Variants in TYW1 observed in about 807,000 individuals in gnomAD.
TYW1 encodes the protein S-adenosyl-L-methionine-dependent tRNA 4-demethylwyosine synthase TYW1.
Under a neutral mutation model 96.2 loss-of-function variants are expected in TYW1, and 46 were observed. That is an observed-to-expected ratio of 0.48 (90% CI 0.38 to 0.61). The LOEUF (loss-of-function observed/expected upper bound fraction) is 0.61, where lower values mean the gene tolerates loss of function less well. TYW1 is among the 20% of genes least tolerant of loss of function. TYW1 has a pLI of 0.00. For synonymous variants in TYW1, 274 were observed against 323.0 expected, an observed-to-expected ratio of 0.85 and a Z score of 1.63; for missense variants, 684 against 909.6, an observed-to-expected ratio of 0.75 and a Z score of 3.19.
rs147108390 is a variant in TYW1, at chr7:67,044,524, T to C, written c.985-5425T>C. On this transcript the variant is annotated intron_variant, in intron 7 of 15. Transcript: ENST00000359626. Reference sequence around the variant, plus strand: ...CATTTCTTCATTTATTCAACCAACATTTACTGAAGGCCCATCCTGTGCTGG... The same window carrying C: ...CATTTCTTCATTTATTCAACCAACACTTACTGAAGGCCCATCCTGTGCTGG... Among the ~76,000 whole-genome samples, 257 of 152,320 alleles carry C rather than the reference T, an allele frequency of 1.7e-3. 1 individual carries two copies. The highest frequency in any genetic ancestry group is 3.7e-3 in the Admixed American group (57 of 15,294).
intron 13 of TYW1, among the ~76,000 whole-genome samples, chr7:67,175,750 T>G (rs957548943): frequency 2.0e-5 from 3 of 152,226 alleles, no homozygotes; most frequent in Admixed American, 1.3e-4. Flanking sequence ...GATTAAAATC[T>G]TGTAGCCAAT....
intron 12 of TYW1, among the ~76,000 whole-genome samples, chr7:67,105,228 T>C (rs1797199740): frequency 6.6e-6 from 1 of 152,236 alleles, no homozygotes; most frequent in African/African-American, 2.4e-5. Flanking sequence ...GGCACTTGGG[T>C]ACTGGGACAG....
At chr7:66,998,230 T>C in intron 2 of TYW1, 35 bp downstream of exon 2, 1 of 1,583,104 alleles carries the variant, frequency 6.3e-7, no homozygotes, top group Non-Finnish European at 8.5e-7. Flanking sequence ...ATGGAGTATT[T>C]AGGCATCAGA....
chr7:67,081,762 T>A (rs1796400949), intron 10 of TYW1, among the ~76,000 whole-genome samples: 1 of 151,132 alleles, frequency 6.6e-6, no homozygotes, highest in East Asian at 1.9e-4. Context: ...CCTCTTCCTC[T>A]TCCTTCTTCT....
At chr7:67,137,778 A>C (rs894429957) in intron 13 of TYW1, among the ~76,000 whole-genome samples, 1 of 152,176 alleles carries the variant, frequency 6.6e-6, no homozygotes, top group Non-Finnish European at 1.5e-5. Context: ...GGAGGAATCT[A>C]TGAAGACGCC....
At chr7:67,039,779 C>T (rs1207148100) in intron 7 of TYW1, among the ~76,000 whole-genome samples, 1 of 151,278 alleles carries the variant, frequency 6.6e-6, no homozygotes, top group Non-Finnish European at 1.5e-5. Context: ...TGTTCTGCCT[C>T]AGCCTCCTGA....
At chr7:67,055,711 C>T in intron 8 of TYW1, 124 bp from the exon 9 acceptor site, 1 of 570,986 alleles carries the variant, frequency 1.8e-6, no homozygotes, top group Non-Finnish European at 3.1e-6. Flanking sequence ...TGTTTCCTGC[C>T]ATGGGTTGGT....
At chr7:67,220,759 C>T (rs111334993) in intron 15 of TYW1, among the ~76,000 whole-genome samples, 12 of 144,098 alleles carry the variant, frequency 8.3e-5, no homozygotes, top group South Asian at 2.2e-4. Flanking sequence ...TTTTTTGAGA[C>T]GGAGTTTTGC....
At chr7:67,225,115 C>T (rs1423454342) in intron 15 of TYW1, among the ~76,000 whole-genome samples, 1 of 148,070 alleles carries the variant, frequency 6.8e-6, no homozygotes, top group Non-Finnish European at 1.5e-5. Flanking sequence ...CACTTGAACC[C>T]AGGAGGCAGA....
intron 3 of TYW1, among the ~76,000 whole-genome samples, chr7:67,005,869 C>T (rs1454908071): frequency 6.6e-6 from 1 of 152,096 alleles, no homozygotes; most frequent in South Asian, 2.1e-4. Flanking sequence ...ACTCTCTTAC[C>T]CCATCTCCTT....
intron 7 of TYW1, among the ~76,000 whole-genome samples, chr7:67,036,257 T>C (rs60884806): frequency 0.12 from 16,550 of 143,364 alleles, 1,484 homozygotes; most frequent in East Asian, 0.3. Context: ...CAGAGAAGAG[T>C]GGCTGCTGGG....
chr7:67,029,981 G>A (rs1407464608), intron 7 of TYW1, among the ~76,000 whole-genome samples: 2 of 152,094 alleles, frequency 1.3e-5, no homozygotes, highest in Non-Finnish European at 1.5e-5. Flanking sequence ...AGATACTCTC[G>A]GTCAAGGAAG....
chr7:67,182,095 C>T (rs1799860586), intron 13 of TYW1, among the ~76,000 whole-genome samples: 3 of 152,202 alleles, frequency 2.0e-5, no homozygotes, highest in Admixed American at 6.5e-5. Flanking sequence ...TCCCAAAGTG[C>T]TGGGATTACA....
At chr7:67,005,263 T>C (rs2129238025) in intron 3 of TYW1, among the ~76,000 whole-genome samples, 1 of 152,280 alleles carries the variant, frequency 6.6e-6, no homozygotes, top group African/African-American at 2.4e-5. Context: ...TCTTACGTAA[T>C]ATCTCACTGG....
rs1412245427 is a variant in TYW1, at chr7:67,089,969, T to C, written c.1384+6430T>C. Reference sequence around the variant, plus strand: ...TTTCTTTAGCTCAATTTTCCACCCGTTCAGCAAACATCAAGTGATTGCACC... The same window carrying C: ...TTTCTTTAGCTCAATTTTCCACCCGCTCAGCAAACATCAAGTGATTGCACC... On this transcript the variant is annotated intron_variant, in intron 11 of 15. Coordinates refer to ENST00000359626, the MANE Select transcript of TYW1 (RefSeq NM_018264.4). Among the ~76,000 whole-genome samples the C allele has an allele frequency of 3.3e-5, 5 of 152,334 alleles. No individual in the cohort carries two copies. The East Asian group carries it at 7.7e-4, about 23-fold the overall frequency.
chr7:67,238,581 G>C lies in TYW1; in HGVS notation c.*52G>C, dbSNP rs562672700. ...GACAAAAACTTGGATGGCCTCAAAA[G>C]GTTCTTGAACACCACTGTGATTCTC... On this transcript the variant is annotated 3_prime_UTR_variant, in exon 16 of 16. Coordinates refer to ENST00000359626, the MANE Select transcript of TYW1 (RefSeq NM_018264.4). 8 of 1,597,672 alleles carry C rather than the reference G, an allele frequency of 5.0e-6. No individual in the cohort carries two copies. Among genetic ancestry groups the C allele is most frequent in the Middle Eastern group, 3.3e-4 (2 of 5,980 alleles).
chr7:67,231,510 C>G (rs1405743650), intron 15 of TYW1, among the ~76,000 whole-genome samples: 1 of 152,176 alleles, frequency 6.6e-6, no homozygotes, highest in Non-Finnish European at 1.5e-5. Flanking sequence ...TTTTTGAGAC[C>G]TTTAATGTCC....
chr7:67,000,907 G>A (rs1265495836), intron 3 of TYW1, among the ~76,000 whole-genome samples: 2 of 152,026 alleles, frequency 1.3e-5, no homozygotes, highest in African/African-American at 4.8e-5. Flanking sequence ...TTCACTACTT[G>A]AGTGCAGATA....
chr7:67,229,152 T>A (rs1801662015), intron 15 of TYW1, among the ~76,000 whole-genome samples: 2 of 152,226 alleles, frequency 1.3e-5, no homozygotes, highest in Admixed American at 1.3e-4. Context: ...TCTTGTGCTG[T>A]ACTTGAGTAG....
Sources: allele counts gnomAD v4.1 joint callset (sites outside exome capture counted in the v4.1 genomes callset), GRCh38; gene constraint gnomAD v4.1.1; transcripts MANE v1.5; gene names NCBI Gene and HGNC (gene_info 2026-07-23, HGNC 2026-07-21).